Variants in PTGES observed in about 807,000 individuals in gnomAD.
PTGES encodes the protein MGST1-like 1.
PTGES carries 3 observed loss-of-function variants against 11.8 expected under a neutral mutation model. The ratio of observed to expected loss-of-function variants is 0.25; its 90% CI spans 0.12 to 0.66. The LOEUF (loss-of-function observed/expected upper bound fraction) is 0.66. Among genes scored for constraint, PTGES ranks in the 30% least tolerant of loss-of-function variants. The pLI is 0.82. For synonymous variants in PTGES, 94 were observed against 90.4 expected (o/e 1.04, Z -0.22); for missense variants, 180 against 213.0 (o/e 0.85, Z 0.96).
At chr9:129,742,762 C>A (rs1186375512) in intron 2 of PTGES, among the ~76,000 whole-genome samples, 1 of 151,720 alleles carries the variant, frequency 6.6e-6, no homozygotes, top group Non-Finnish European at 1.5e-5. Context: ...GTCCCAGCTA[C>A]TCGGGAGGCT....
chr9:129,752,981 G>C lies in PTGES; in HGVS notation c.32C>G (p.Pro11Arg). Residue 11 changes from proline (P) to arginine (R), a missense_variant, in exon 1 of 3, where the codon CCG becomes CGG. Pro to Arg is a moderately radical substitution (Grantham distance 103). Coordinates refer to ENST00000340607, the MANE Select transcript of PTGES (RefSeq NM_004878.5). ...GCAGAGCAGGAAGGCCGGGAGGGCC[G>C]GGCTGCTCATCACCAGGCTGTGGGC... MPAHSLVMSS[P>R]ALPAFLLCST... The C allele has an allele frequency of 6.2e-7, 1 of 1,609,606 alleles. No homozygotes were observed. The highest frequency in any genetic ancestry group is 1.1e-5 in the South Asian group (1 of 91,084).
chr9:129,741,685 T>C (rs10760635), intron 2 of PTGES, among the ~76,000 whole-genome samples: 10,940 of 151,756 alleles, frequency 0.072, 471 homozygotes, highest in East Asian at 0.2. Flanking sequence ...GCGGGCGGAT[T>C]ACCTGAGGTC....
intron 1 of PTGES, 144 bp from the exon 2 acceptor site, chr9:129,748,881 C>T: frequency 4.6e-6 from 3 of 658,770 alleles, no homozygotes; most frequent in Non-Finnish European, 7.4e-6. Flanking sequence ...TCCACGATTC[C>T]TACCCTGTGC....
At chr9:129,749,245 T>C (rs962827409) in intron 1 of PTGES, among the ~76,000 whole-genome samples, 1 of 147,702 alleles carries the variant, frequency 6.8e-6, no homozygotes, top group Admixed American at 6.7e-5. Context: ...CCAGGTGTGG[T>C]GGCTCACGCC....
rs1216463978 is a variant in PTGES at position 129,739,417 on chromosome 9, AACATACACACAC to A, written c.*182_*193del. 6.0e-6 allele frequency: 4 copies of A among 666,038 alleles called. No homozygotes were observed. Among genetic ancestry groups the A allele is most frequent in the Non-Finnish European group, 9.4e-6 (4 of 425,346 alleles). 41.3% of individuals were successfully genotyped at this position (666,038 alleles called of 1,614,324 possible). ...CGTGCAGGAATCCAAGGGGCTAAGA[AACATACACACAC>A]ACATACACACACACGGGCACACACA... On this transcript the variant is annotated 3_prime_UTR_variant, in exon 3 of 3. Coordinates refer to ENST00000340607, the MANE Select transcript of PTGES (RefSeq NM_004878.5). This position sits in a 1 kb window ranked among gnomAD's most constrained non-coding sequence, Gnocchi z 5.7.
At chr9:129,747,634 A>G (rs1030587351) in intron 2 of PTGES, among the ~76,000 whole-genome samples, 2 of 152,204 alleles carry the variant, frequency 1.3e-5, no homozygotes, top group African/African-American at 4.8e-5. Context: ...GAGGGATGGA[A>G]AAATGGCTCC....
chr9:129,749,328 G>T (rs939222548), intron 1 of PTGES, among the ~76,000 whole-genome samples: 9 of 152,168 alleles, frequency 5.9e-5, no homozygotes, highest in Admixed American at 2.0e-4. Context: ...ACCAACCCGG[G>T]CAACATAGCA....
chr9:129,750,718 A>G (rs1414084027), intron 1 of PTGES, among the ~76,000 whole-genome samples: 2 of 152,184 alleles, frequency 1.3e-5, no homozygotes, highest in Admixed American at 6.5e-5. Context: ...TTAAGGACAA[A>G]CATTGGTGGG....
chr9:129,740,833 G>A (rs953209832), intron 2 of PTGES, among the ~76,000 whole-genome samples: 2 of 152,160 alleles, frequency 1.3e-5, no homozygotes, highest in African/African-American at 2.4e-5. Context: ...CAGGAATTCA[G>A]TGCCCAGGGC....
At chr9:129,746,041 A>T (rs2130952746) in intron 2 of PTGES, among the ~76,000 whole-genome samples, 1 of 152,062 alleles carries the variant, frequency 6.6e-6, no homozygotes, top group Admixed American at 6.6e-5. Context: ...TCTCAAAAAA[A>T]AAAAAAAAGA....
chr9:129,752,071 C>G (rs1833117369), intron 1 of PTGES, among the ~76,000 whole-genome samples: 1 of 152,194 alleles, frequency 6.6e-6, no homozygotes, highest in Non-Finnish European at 1.5e-5. Context: ...GGCTTGTGGC[C>G]AAGATCCTCA....
At chr9:129,744,908 C>T (rs1268824992) in intron 2 of PTGES, among the ~76,000 whole-genome samples, 5 of 151,868 alleles carry the variant, frequency 3.3e-5, no homozygotes, top group African/African-American at 9.7e-5. Flanking sequence ...TTGAGTACTT[C>T]GTGGTGCAGC....
chr9:129,747,658 G>C (rs910712859), intron 2 of PTGES, among the ~76,000 whole-genome samples: 2 of 152,032 alleles, frequency 1.3e-5, no homozygotes, highest in African/African-American at 2.4e-5. Flanking sequence ...ACCAGTAGTG[G>C]GACATGATTT....
At chr9:129,748,809 A>G in intron 1 of PTGES, 72 bp from the exon 2 acceptor site, 10 of 1,320,910 alleles carry the variant, frequency 7.6e-6, no homozygotes, top group Non-Finnish European at 9.4e-6. Flanking sequence ...TGTTTTGTCC[A>G]TGACCAGAGT....
chr9:129,748,818 G>T, intron 1 of PTGES, 81 bp from the exon 2 acceptor site: 1 of 1,197,184 alleles, frequency 8.4e-7, no homozygotes, highest in Non-Finnish European at 1.2e-6. Context: ...CATGACCAGA[G>T]TTCACAGTGG....
chr9:129,746,074 G>A (rs1196696017), intron 2 of PTGES, among the ~76,000 whole-genome samples: 2 of 151,838 alleles, frequency 1.3e-5, no homozygotes, highest in African/African-American at 4.8e-5. Context: ...AAATGTCTCG[G>A]CGCCACCCGG....
At chr9:129,741,258 T>C (rs1481477691) in intron 2 of PTGES, among the ~76,000 whole-genome samples, 1 of 152,188 alleles carries the variant, frequency 6.6e-6, no homozygotes, top group African/African-American at 2.4e-5. Context: ...AAGCACAGCA[T>C]GTTCAATGTG....
At chr9:129,742,743 GCGCCT>G (rs1367022721) in intron 2 of PTGES, among the ~76,000 whole-genome samples, 2 of 151,750 alleles carry the variant, frequency 1.3e-5, no homozygotes, top group African/African-American at 2.4e-5. Context: ...GTGGTGGCAG[GCGCCT>G]GTAGTCCCAG....
At position 129,745,349 on chromosome 9, in the gene PTGES, T is replaced by C. The variant is rs1833039832; in HGVS notation, c.209+3306A>G. ...AGCATGTGCTAACCTGCAAGGCAGA[T>C]TCATGCTCCAAGAACCAAGACTGAA... On this transcript the variant is annotated intron_variant, in intron 2 of 2. Transcript: ENST00000340607. The surrounding 1 kb of genome is among the most constrained non-coding windows in gnomAD (Gnocchi z 4.2). Among the ~76,000 whole-genome samples, 1 of 152,210 alleles carries C rather than the reference T, an allele frequency of 6.6e-6. No homozygotes were observed. Among genetic ancestry groups the C allele is most frequent in the Non-Finnish European group, 1.5e-5 (1 of 68,042 alleles).
Sources: gnomAD v4.1 joint callset for allele counts (sites outside exome capture counted in the v4.1 genomes callset) on GRCh38, gnomAD v4.1.1 for gene constraint, Gnocchi (gnomAD v3.1) non-coding constraint, MANE v1.5 for transcripts, NCBI Gene and HGNC (gene_info 2026-07-23, HGNC 2026-07-21) for gene names.